LAMC1: variants seen among roughly 807,000 people sequenced by gnomAD.
LAMC1 encodes the protein laminin subunit gamma-1.
Under a neutral mutation model 173.6 loss-of-function variants are expected in LAMC1, and 38 were observed. That is an observed-to-expected ratio of 0.22 (90% CI 0.17 to 0.29). The LOEUF (loss-of-function observed/expected upper bound fraction) is 0.29. Ranked by LOEUF, LAMC1 falls within the 10% of genes least tolerant of loss-of-function variation. LAMC1 has a pLI of 1.00. For missense variants in LAMC1, 1,824 were observed against 2,051.8 expected (o/e 0.89, Z 2.14); for synonymous variants, 746 against 749.1 (o/e 1.00, Z 0.07).
At chr1:183,098,258 A>G (rs567060944) in intron 1 of LAMC1, among the ~76,000 whole-genome samples, 17 of 152,322 alleles carry the variant, frequency 1.1e-4, no homozygotes, top group African/African-American at 4.1e-4. Flanking sequence ...GGTAACCCTC[A>G]GGTAGAGCTA....
At chr1:183,052,551 C>G (rs867685032) in intron 1 of LAMC1, among the ~76,000 whole-genome samples, 1 of 152,154 alleles carries the variant, frequency 6.6e-6, no homozygotes, top group Non-Finnish European at 1.5e-5. Flanking sequence ...CCAGGCTGGT[C>G]TCTTAACTCC....
intron 17 of LAMC1, among the ~76,000 whole-genome samples, chr1:183,128,182 C>A (rs1226942164): frequency 1.3e-5 from 2 of 152,068 alleles, no homozygotes; most frequent in Non-Finnish European, 2.9e-5. Flanking sequence ...GTTTGAGATA[C>A]CTATCAGAGA....
At chr1:183,077,369 T>G (rs1409158779) in intron 1 of LAMC1, among the ~76,000 whole-genome samples, 2 of 152,232 alleles carry the variant, frequency 1.3e-5, no homozygotes, top group African/African-American at 4.8e-5. Context: ...TCCCTGTTGC[T>G]TGTTCTCAGT....
At chr1:183,122,395 C>CAAGGAGAG (rs1192341179) in intron 13 of LAMC1, 144 bp downstream of exon 13, 1 of 734,868 alleles carries the variant, frequency 1.4e-6, no homozygotes, top group African/African-American at 1.8e-5. Flanking sequence ...GAGGCTCACT[C>CAAGGAGAG]TCCTTGTTTC....
At chr1:183,041,564 TC>T (rs1351397731) in intron 1 of LAMC1, among the ~76,000 whole-genome samples, 1 of 152,138 alleles carries the variant, frequency 6.6e-6, no homozygotes, top group Non-Finnish European at 1.5e-5. Flanking sequence ...TTTCTCTCTT[TC>T]CCCCATTAGC....
chr1:183,027,707 T>C (rs1296176301), intron 1 of LAMC1, among the ~76,000 whole-genome samples: 1 of 152,228 alleles, frequency 6.6e-6, no homozygotes, highest in African/African-American at 2.4e-5. Context: ...TGCATCTGCA[T>C]ATCTTTTTTG....
chr1:183,054,646 G>A (rs929096979), intron 1 of LAMC1, among the ~76,000 whole-genome samples: 4 of 152,130 alleles, frequency 2.6e-5, no homozygotes, highest in African/African-American at 9.7e-5. Flanking sequence ...TTGCAAGGTC[G>A]CTTCTCAGCC....
intron 1 of LAMC1, among the ~76,000 whole-genome samples, chr1:183,067,530 C>T (rs973280998): frequency 3.3e-5 from 5 of 152,078 alleles, no homozygotes; most frequent in Admixed American, 3.3e-4. Flanking sequence ...GCTCTGTCAC[C>T]CAGGCTGGAG....
intron 26 of LAMC1, among the ~76,000 whole-genome samples, chr1:183,139,479 C>A (rs551522769): frequency 6.6e-6 from 1 of 152,330 alleles, no homozygotes; most frequent in Admixed American, 6.5e-5. Flanking sequence ...TTTACACTCG[C>A]AGACAAGCTT....
intron 1 of LAMC1, among the ~76,000 whole-genome samples, chr1:183,102,923 G>A (rs1258712862): frequency 6.6e-6 from 1 of 152,036 alleles, no homozygotes; most frequent in Non-Finnish European, 1.5e-5. Context: ...AGTCTTAAAG[G>A]GCCTGGAGAC....
rs1656267751 is a variant in LAMC1, at chr1:183,114,673, C to A, written c.1164C>A (p.Arg388=). The A allele has an allele frequency of 4.3e-6, 7 of 1,614,180 alleles. No homozygotes were observed. Among genetic ancestry groups the A allele is most frequent in the Non-Finnish European group, 5.9e-6 (7 of 1,180,042 alleles). ...AGAGGTGCCGAGAGAACTTCTTCCG[C>A]CTTGGCAACAATGAAGCCTGCTCTT... is the stretch of plus-strand genomic sequence containing the variant. The part of the protein sequence containing the change: ...HCERCRENFF[R]LGNNEACSSC... Residue 388 remains arginine, a synonymous_variant, in exon 5 of 28, where the codon CGC becomes CGA. Coordinates refer to ENST00000258341, the MANE Select transcript of LAMC1 (RefSeq NM_002293.4).
intron 1 of LAMC1, among the ~76,000 whole-genome samples, chr1:183,093,695 G>A (rs936630121): frequency 1.6e-4 from 24 of 152,184 alleles, no homozygotes; most frequent in African/African-American, 5.5e-4. Flanking sequence ...TAGAGGTTTC[G>A]TGGGTATCTT....
chr1:183,044,040 T>C (rs1037684433), intron 1 of LAMC1, among the ~76,000 whole-genome samples: 1 of 152,112 alleles, frequency 6.6e-6, no homozygotes, highest in Admixed American at 6.6e-5. Context: ...AGTAAATCAG[T>C]GTCTAGGAAT....
intron 4 of LAMC1, among the ~76,000 whole-genome samples, chr1:183,112,203 T>C (rs1177428413): frequency 2.0e-5 from 3 of 152,346 alleles, no homozygotes; most frequent in African/African-American, 7.2e-5. Flanking sequence ...CTCTAACATT[T>C]GTAAGCACTT....
At chr1:183,051,037 A>C (rs1654413704) in intron 1 of LAMC1, among the ~76,000 whole-genome samples, 1 of 113,286 alleles carries the variant, frequency 8.8e-6, no homozygotes, top group Non-Finnish European at 2.1e-5. Context: ...CTCCTTTCAA[A>C]TTATTTTTTT....
chr1:183,102,368 G>A (rs560043568), intron 1 of LAMC1, among the ~76,000 whole-genome samples: 27 of 152,246 alleles, frequency 1.8e-4, no homozygotes, highest in Non-Finnish European at 3.5e-4. Flanking sequence ...TCTGTCCCCT[G>A]ATGTATATAG....
chr1:183,100,331 AT>A (rs1655802596), intron 1 of LAMC1, among the ~76,000 whole-genome samples: 1 of 152,140 alleles, frequency 6.6e-6, no homozygotes, highest in Non-Finnish European at 1.5e-5. Context: ...CTGATCATGT[AT>A]TTTCTGGTTT....
At chr1:183,043,350 TCTC>T (rs1252661473) in intron 1 of LAMC1, among the ~76,000 whole-genome samples, 8 of 152,148 alleles carry the variant, frequency 5.3e-5, no homozygotes, top group African/African-American at 1.7e-4. Flanking sequence ...ATTATGAAAA[TCTC>T]CTGCTGTTTA....
intron 1 of LAMC1, among the ~76,000 whole-genome samples, chr1:183,068,235 T>G (rs893156763): frequency 6.8e-6 from 1 of 147,824 alleles, no homozygotes; most frequent in African/African-American, 2.5e-5. Context: ...TTTTGTATTG[T>G]TTTTTTTTGT....
Sources: allele counts gnomAD v4.1 joint callset (sites outside exome capture counted in the v4.1 genomes callset), GRCh38; gene constraint gnomAD v4.1.1; transcripts MANE v1.5; gene names NCBI Gene and HGNC (gene_info 2026-07-23, HGNC 2026-07-21).